The following RIMS1 variants were observed in gnomAD, a reference collection of about 807,000 sequenced individuals.
The protein encoded by RIMS1 is regulating synaptic membrane exocytosis 1, also known as regulating synaptic membrane exocytosis protein 1.
A neutral mutation model predicts 214.1 loss-of-function variants in RIMS1; 83 were observed. That is an observed-to-expected ratio of 0.39 (90% CI 0.32 to 0.47). The LOEUF is 0.47. Ranked by LOEUF, RIMS1 falls within the 20% of genes least tolerant of loss-of-function variation. The probability of loss-of-function intolerance (pLI) is 0.99; values close to 1 mark genes in which losing one functional copy is unlikely to be tolerated. For synonymous variants in RIMS1, 793 were observed against 786.8 expected (o/e 1.01, Z -0.13); for missense variants, 2,050 against 2,161.8 (o/e 0.95, Z 1.03).
At chr6:72,318,150 T>C (rs2095918461) in intron 28 of RIMS1, among the ~76,000 whole-genome samples, 1 of 152,166 alleles carries the variant, frequency 6.6e-6, no homozygotes, top group Non-Finnish European at 1.5e-5. Context: ...CTAGGTTTAA[T>C]TTTTTTCTGA....
At chr6:71,890,552 G>T (rs181403430) in intron 1 of RIMS1, among the ~76,000 whole-genome samples, 1 of 122,600 alleles carries the variant, frequency 8.2e-6, no homozygotes, top group Non-Finnish European at 1.6e-5. Context: ...ATTAGATCTA[G>T]GATCTTACTC....
At chr6:72,209,948 AC>A (rs1408193507) in intron 6 of RIMS1, among the ~76,000 whole-genome samples, 14 of 151,816 alleles carry the variant, frequency 9.2e-5, no homozygotes, top group Non-Finnish European at 1.8e-4. Flanking sequence ...AAAACAAAAA[AC>A]ATTTGCCTCC....
intron 4 of RIMS1, among the ~76,000 whole-genome samples, chr6:72,166,714 T>TA (rs747984936): frequency 0.11 from 1,254 of 11,846 alleles, 6 homozygotes; most frequent in African/African-American, 0.13. Context: ...CGTCTCTATT[T>TA]TAAAAAAAAA....
At chr6:72,109,692 G>A (rs968764715) in intron 4 of RIMS1, among the ~76,000 whole-genome samples, 26 of 152,176 alleles carry the variant, frequency 1.7e-4, no homozygotes, top group African/African-American at 6.3e-4. Context: ...CTGTGCAGAA[G>A]CTCTTTAGTT....
intron 29 of RIMS1, among the ~76,000 whole-genome samples, chr6:72,350,436 A>AG (rs1246183335): frequency 2.0e-5 from 3 of 152,136 alleles, no homozygotes; most frequent in African/African-American, 7.2e-5. Flanking sequence ...TGGAGGCAAC[A>AG]GCATGTCTTC....
At chr6:72,266,241 C>A in intron 22 of RIMS1, 192 bp downstream of exon 22, 1 of 603,596 alleles carries the variant, frequency 1.7e-6, no homozygotes, top group South Asian at 1.9e-5. Context: ...CAAGGGTACA[C>A]ATACACATAT....
At chr6:72,151,546 C>T (rs2043589605) in intron 4 of RIMS1, among the ~76,000 whole-genome samples, 1 of 152,166 alleles carries the variant, frequency 6.6e-6, no homozygotes, top group South Asian at 2.1e-4. Context: ...ATTTTCTGAG[C>T]TGTATTTGGC....
chr6:72,277,541 C>T (rs2087202484), intron 23 of RIMS1, among the ~76,000 whole-genome samples: 1 of 149,574 alleles, frequency 6.7e-6, no homozygotes, highest in South Asian at 2.1e-4. Context: ...GACATCGCGC[C>T]ACTGCACTCC....
chr6:72,055,810 G>C (rs927371692), intron 2 of RIMS1, among the ~76,000 whole-genome samples: 2 of 152,138 alleles, frequency 1.3e-5, no homozygotes, highest in African/African-American at 4.8e-5. Flanking sequence ...ATGAACTACT[G>C]GTGGAAATGT....
intron 2 of RIMS1, among the ~76,000 whole-genome samples, chr6:72,038,118 A>AAAAAATATATATAT (rs1820399900): frequency 1.5e-4 from 2 of 13,418 alleles, no homozygotes; most frequent in Non-Finnish European, 2.4e-4. Context: ...AAAAAAAAAA[A>AAAAAATATATATAT]ATATATATAT....
At chr6:72,276,324 G>A (rs1376688158) in intron 23 of RIMS1, among the ~76,000 whole-genome samples, 1 of 152,082 alleles carries the variant, frequency 6.6e-6, no homozygotes, top group African/African-American at 2.4e-5. Context: ...ATTGAGTATA[G>A]GAAAATTAAA....
intron 6 of RIMS1, among the ~76,000 whole-genome samples, chr6:72,220,380 AAG>A (rs1007063970): frequency 4.6e-5 from 7 of 152,118 alleles, no homozygotes; most frequent in African/African-American, 7.2e-5. Flanking sequence ...TGCAATTTAA[AAG>A]AGTGTGTGGA....
chr6:72,085,064 A>G (rs2153782346), intron 2 of RIMS1, among the ~76,000 whole-genome samples: 1 of 152,294 alleles, frequency 6.6e-6, no homozygotes, highest in East Asian at 1.9e-4. Context: ...TGCTGATTGT[A>G]CTAATTTTTT....
intron 6 of RIMS1, among the ~76,000 whole-genome samples, chr6:72,192,124 A>G (rs2050169561): frequency 6.6e-6 from 1 of 152,176 alleles, no homozygotes; most frequent in African/African-American, 2.4e-5. Context: ...TGGCCACAGG[A>G]TGTGTCCGGG....
intron 2 of RIMS1, among the ~76,000 whole-genome samples, chr6:71,987,914 G>A (rs1800497494): frequency 6.6e-6 from 1 of 152,138 alleles, no homozygotes; most frequent in African/African-American, 2.4e-5. Context: ...GAGCAATTTT[G>A]AGTTGATGAG....
chr6:72,009,539 G>C (rs1481646333), intron 2 of RIMS1, among the ~76,000 whole-genome samples: 4 of 150,798 alleles, frequency 2.7e-5, no homozygotes, highest in African/African-American at 9.7e-5. Flanking sequence ...TCCAGGAGCT[G>C]GTTTTTTGAA....
chr6:72,291,480 T>A (rs1016029069), intron 25 of RIMS1, among the ~76,000 whole-genome samples: 1 of 152,238 alleles, frequency 6.6e-6, no homozygotes, highest in Non-Finnish European at 1.5e-5. Context: ...TTTATAAAAG[T>A]CTGCAGCTAG....
intron 4 of RIMS1, among the ~76,000 whole-genome samples, chr6:72,163,459 C>A (rs1412267783): frequency 7.1e-6 from 1 of 141,240 alleles, no homozygotes; most frequent in Admixed American, 7.2e-5. Flanking sequence ...AGGAGAGGCA[C>A]TCTGATTTTT....
At chr6:72,283,607 G>A (rs997570276) in intron 23 of RIMS1, among the ~76,000 whole-genome samples, 2 of 151,876 alleles carry the variant, frequency 1.3e-5, no homozygotes, top group Non-Finnish European at 2.9e-5. Context: ...AAAAATCTTT[G>A]TAGCACCAAG....
Sources: gnomAD v4.1 joint callset for allele counts (sites outside exome capture counted in the v4.1 genomes callset) on GRCh38, gnomAD v4.1.1 for gene constraint, MANE v1.5 for transcripts, NCBI Gene and HGNC (gene_info 2026-07-23, HGNC 2026-07-21) for gene names.